The following NDUFAB1 variants were observed in gnomAD, a reference collection of about 807,000 sequenced individuals.
The protein encoded by NDUFAB1 is acyl carrier protein, mitochondrial.
Under a neutral mutation model 16.1 loss-of-function variants are expected in NDUFAB1, and 5 were observed. The ratio of observed to expected loss-of-function variants is 0.31; its 90% confidence interval spans 0.16 to 0.65. The LOEUF is 0.65. NDUFAB1 is among the 30% of genes least tolerant of loss of function. The pLI is 0.77. For missense variants in NDUFAB1, 187 were observed against 205.3 expected (o/e 0.91, Z 0.54); for synonymous variants, 85 against 78.4 (o/e 1.08, Z -0.44).
At position 23,588,839 on chromosome 16, in the gene NDUFAB1, G is replaced by A. The variant is rs143819413; in HGVS notation, c.169-1520C>T. Among the ~76,000 whole-genome samples, 642 of 152,284 alleles carry A rather than the reference G, an allele frequency of 4.2e-3. 3 individuals are homozygous for A. The highest frequency in any genetic ancestry group is 6.2e-3 in the Non-Finnish European group (423 of 68,026). ...CTAAAAATACAAAAATTAGCTGGGC[G>A]TGGTGGTGTGTGCCTGTAATCCCAG... On this transcript the variant is annotated intron_variant, in intron 1 of 4. Transcript: ENST00000007516.
intron 1 of NDUFAB1, among the ~76,000 whole-genome samples, 192 bp downstream of exon 1, chr16:23,595,931 G>C (rs1966321527): frequency 6.6e-6 from 1 of 152,202 alleles, no homozygotes; most frequent in Admixed American, 6.5e-5. Context: ...GCTCTTGCTC[G>C]TTATTACGAG....
intron 1 of NDUFAB1, among the ~76,000 whole-genome samples, chr16:23,592,649 A>C (rs1966290455): frequency 6.6e-6 from 1 of 152,130 alleles, no homozygotes; most frequent in Non-Finnish European, 1.5e-5. Context: ...TACCTGGATC[A>C]AGTATAAGAC....
At chr16:23,596,072 G>A in intron 1 of NDUFAB1, 51 bp downstream of exon 1, 3 of 1,541,320 alleles carry the variant, frequency 1.9e-6, no homozygotes, top group Non-Finnish European at 2.6e-6. Context: ...CACCCCCACC[G>A]GGCCCAATCC....
chr16:23,586,524 G>T (rs547713227), intron 2 of NDUFAB1, among the ~76,000 whole-genome samples: 2 of 151,430 alleles, frequency 1.3e-5, no homozygotes, highest in Non-Finnish European at 2.9e-5. Context: ...TAGTAGAGAT[G>T]GGGTTTCACC....
Position 23,592,505 on chromosome 16 carries a change from C to A in NDUFAB1, c.168+3618G>T, listed in dbSNP as rs574661706. Among the ~76,000 whole-genome samples, 4 of 152,262 alleles carry A rather than the reference C, an allele frequency of 2.6e-5. No homozygotes were observed. The East Asian group carries it at 7.7e-4, about 29-fold the overall frequency. On this transcript the variant is annotated intron_variant, in intron 1 of 4. Transcript: ENST00000007516. ...CCATGGGAAGGGACTGGGACTTTGT[C>A]TGGTCCTGGTCCCAGTCCTGGAATA...
At chr16:23,584,248 GATCA>G (rs1367010484) in intron 3 of NDUFAB1, among the ~76,000 whole-genome samples, 1 of 4,042 alleles carries the variant, frequency 2.5e-4, no homozygotes, top group Non-Finnish European at 5.5e-4. Context: ...ACCCAAGAAT[GATCA>G]ATTAAAAAAA....
At chr16:23,587,504 T>A (rs117440239) in intron 1 of NDUFAB1, among the ~76,000 whole-genome samples, 185 bp from the exon 2 acceptor site, 1,686 of 152,246 alleles carry the variant, frequency 0.011, 15 homozygotes, top group South Asian at 0.027. Flanking sequence ...GCCCCAACAG[T>A]TCAGCAGCAT....
intron 1 of NDUFAB1, among the ~76,000 whole-genome samples, chr16:23,592,168 G>A (rs929708475): frequency 2.0e-5 from 3 of 152,132 alleles, no homozygotes; most frequent in Non-Finnish European, 1.5e-5. Flanking sequence ...TTCAAGGAGA[G>A]GGAAGAACAG....
chr16:23,585,255 A>G (rs1309711837), intron 3 of NDUFAB1, 81 bp downstream of exon 3: 11 of 1,033,016 alleles, frequency 1.1e-5, no homozygotes, highest in Admixed American at 1.8e-5. Context: ...TTCTAATTCC[A>G]ATTCAGACGC....
At chr16:23,584,449 T>C (rs150202812) in intron 3 of NDUFAB1, among the ~76,000 whole-genome samples, 4 of 151,684 alleles carry the variant, frequency 2.6e-5, no homozygotes, top group Non-Finnish European at 5.9e-5. Context: ...TCGTGTGCTG[T>C]AACACACGTC....
At chr16:23,593,532 A>G (rs1445093267) in intron 1 of NDUFAB1, among the ~76,000 whole-genome samples, 1 of 152,206 alleles carries the variant, frequency 6.6e-6, no homozygotes, top group Non-Finnish European at 1.5e-5. Flanking sequence ...CTTTGTAAAT[A>G]TAAATAAAAT....
At chr16:23,587,089 G>A (rs1966239975) in intron 2 of NDUFAB1, 108 bp downstream of exon 2, 10 of 1,126,440 alleles carry the variant, frequency 8.9e-6, no homozygotes, top group East Asian at 2.4e-5. Context: ...GGGCCTGGGT[G>A]TCTGGGAGCC....
intron 1 of NDUFAB1, 140 bp downstream of exon 1, chr16:23,595,983 G>A (rs1022611390): frequency 4.5e-5 from 47 of 1,042,290 alleles, no homozygotes; most frequent in Non-Finnish European, 5.9e-5. Flanking sequence ...ACACCTTTAG[G>A]CAGCGGGGCT....
intron 2 of NDUFAB1, among the ~76,000 whole-genome samples, chr16:23,586,858 G>A (rs991937707): frequency 6.6e-6 from 1 of 150,410 alleles, no homozygotes; most frequent in Non-Finnish European, 1.5e-5. Context: ...ATGTTAGTCA[G>A]GCTGGTCTTG....
chr16:23,582,107 C>T (rs1052137297), intron 4 of NDUFAB1, 169 bp downstream of exon 4: 1 of 699,430 alleles, frequency 1.4e-6, no homozygotes, highest in East Asian at 3.5e-5. Flanking sequence ...CAAAGATCAC[C>T]ACCAGGGCTG....
chr16:23,590,450 T>G (rs1240977340), intron 1 of NDUFAB1, among the ~76,000 whole-genome samples: 2 of 152,164 alleles, frequency 1.3e-5, no homozygotes, highest in Non-Finnish European at 2.9e-5. Context: ...ACAGGACTGT[T>G]GTGAAGCATC....
chr16:23,584,927 C>T (rs548042605), intron 3 of NDUFAB1, among the ~76,000 whole-genome samples: 1 of 152,356 alleles, frequency 6.6e-6, no homozygotes, highest in South Asian at 2.1e-4. Context: ...GCCAGAGGCT[C>T]TGGGTGCGTC....
intron 1 of NDUFAB1, among the ~76,000 whole-genome samples, chr16:23,587,816 T>C (rs1222951616): frequency 6.6e-6 from 1 of 152,220 alleles, no homozygotes; most frequent in African/African-American, 2.4e-5. Context: ...CCAGCAGTTA[T>C]CTCCCTGATC....
intron 1 of NDUFAB1, among the ~76,000 whole-genome samples, chr16:23,591,685 T>A (rs989219577): frequency 6.6e-6 from 1 of 152,190 alleles, no homozygotes; most frequent in Non-Finnish European, 1.5e-5. Context: ...CATGATATGC[T>A]CACTCTCTTC....
Sources: allele counts gnomAD v4.1 joint callset (sites outside exome capture counted in the v4.1 genomes callset), GRCh38; gene constraint gnomAD v4.1.1; transcripts MANE v1.5; gene names NCBI Gene and HGNC (gene_info 2026-07-23, HGNC 2026-07-21).